The following OR2L2 variants were observed in gnomAD, a reference collection of about 807,000 sequenced individuals.
OR2L2 encodes olfactory receptor 2L2.
For missense variants in OR2L2, 378 were observed against 375.2 expected (o/e 1.01, Z -0.06); for synonymous variants, 156 against 135.4 (o/e 1.15, Z -1.06).
chr1:248,032,358 A>G (rs1422279129), intron 1 of OR2L2, among the ~76,000 whole-genome samples: 2 of 152,140 alleles, frequency 1.3e-5, no homozygotes. Context: ...TTAAATATAC[A>G]TAAGATAAAC....
In OR2L2 at chr1:248,038,603, G is replaced by C. The variant is rs2103096693; in HGVS notation, c.336G>C (p.Leu112=). Residue 112 remains leucine (L), a synonymous_variant, in exon 3 of 3, where the codon CTG becomes CTC. Transcript: ENST00000641771. ...FFLTLAVAEG[L]LLTSMAYDRY... is the part of the protein sequence containing the mutation. ...TGACTTTAGCAGTTGCAGAAGGGCT[G>C]CTCCTGACATCAATGGCCTATGATC... 1 of 1,614,148 alleles carries C rather than the reference G, an allele frequency of 6.2e-7. No individual in the cohort carries two copies. The highest frequency in any genetic ancestry group is 1.6e-4 in the Middle Eastern group (1 of 6,062).
In OR2L2 at chr1:248,039,328, G is replaced by T. The variant is rs563203849; in HGVS notation, c.*122G>T. 71 of 767,646 alleles carry T rather than the reference G, an allele frequency of 9.2e-5. No homozygotes were observed. In the African/African-American group the frequency reaches 1.3e-3, roughly 14 times the overall value. The allele number at this position is 767,646 out of a possible 1,614,324, so 47.6% of individuals were successfully genotyped here. ...ACAGAAGTTAATCTAGAAGAAATTTGTCTTTTAATTTAGTCTTGACAATAT... is the reference window on the plus strand; with the variant it reads ...ACAGAAGTTAATCTAGAAGAAATTTTTCTTTTAATTTAGTCTTGACAATAT... On this transcript the variant is annotated 3_prime_UTR_variant, in exon 3 of 3. Transcript: ENST00000641771.
chr1:248,037,429 T>C (rs1045281277), intron 2 of OR2L2, among the ~76,000 whole-genome samples: 5 of 152,210 alleles, frequency 3.3e-5, no homozygotes, highest in African/African-American at 1.2e-4. Flanking sequence ...CCCATGCGTA[T>C]GTTTTAAGCA....
intron 2 of OR2L2, 48 bp from the exon 3 acceptor site, chr1:248,038,199 G>T: frequency 8.7e-7 from 1 of 1,143,910 alleles, no homozygotes; most frequent in Non-Finnish European, 1.3e-6. Context: ...AGCCACTGTG[G>T]ATAAAAGTGA....
chr1:248,031,462 T>G (rs942059040), intron 1 of OR2L2, among the ~76,000 whole-genome samples: 1 of 152,228 alleles, frequency 6.6e-6, no homozygotes, highest in Non-Finnish European at 1.5e-5. Context: ...TCTGCCTTAA[T>G]GGGCAGTGCT....
At position 248,038,822 on chromosome 1, in the gene OR2L2, G is replaced by A. The variant is rs761259897; in HGVS notation, c.555G>A (p.Thr185=). 12 of 1,614,118 alleles carry A rather than the reference G, an allele frequency of 7.4e-6. No homozygotes were observed. Among genetic ancestry groups the A allele is most frequent in the East Asian group, 4.5e-5 (2 of 44,882 alleles). Residue 185 remains threonine (T), a synonymous_variant, in exon 3 of 3, where the codon ACG becomes ACA. Coordinates refer to ENST00000641771, the MANE Select transcript of OR2L2 (RefSeq NM_001385855.1). ...HFFCDVPAML[T]LACTDTWVYE... ...TCTGTGATGTTCCAGCTATGTTGAC[G>A]CTAGCCTGCACAGACACTTGGGTCT... is the stretch of plus-strand genomic sequence containing the variant.
chr1:248,033,784 A>G (rs912451059), intron 1 of OR2L2, among the ~76,000 whole-genome samples: 2 of 152,030 alleles, frequency 1.3e-5, no homozygotes, highest in Non-Finnish European at 2.9e-5. Flanking sequence ...CTTTATACCA[A>G]TGTCATACTG....
At chr1:248,037,654 G>A (rs1662800975) in intron 2 of OR2L2, among the ~76,000 whole-genome samples, 1 of 152,122 alleles carries the variant, frequency 6.6e-6, no homozygotes, top group African/African-American at 2.4e-5. Flanking sequence ...GTGTTGTAAA[G>A]TTCTATAAAT....
At position 248,038,426 on chromosome 1, in the gene OR2L2, T is replaced by C; in HGVS notation, c.159T>C (p.His53=). The C allele has an allele frequency of 6.2e-7, 1 of 1,613,864 alleles. No homozygotes were observed. Among genetic ancestry groups the C allele is most frequent in the Middle Eastern group, 1.7e-4 (1 of 6,056 alleles). Residue 53 remains histidine, a synonymous_variant, in exon 3 of 3, where the codon CAT becomes CAC. Coordinates refer to ENST00000641771, the MANE Select transcript of OR2L2 (RefSeq NM_001385855.1). ...TTCTTCTCATCTTTTTGGACATCCA[T>C]CTCCACACACCTATGTATTTCCTAC... ...SMILLIFLDI[H]LHTPMYFLLS...
Position 248,038,577 on chromosome 1 carries a change from T to A in OR2L2, c.310T>A (p.Leu104Met), listed in dbSNP as rs73141396. 1.2e-6 allele frequency: 2 copies of A among 1,614,174 alleles called. No homozygotes were observed. The highest frequency in any genetic ancestry group is 1.7e-5 in the Admixed American group (1 of 60,024). The change falls in exon 3 of 3, where the codon TTG becomes ATG. Residue 104 changes from leucine (L) to methionine (M), a missense_variant. Coordinates refer to ENST00000641771, the MANE Select transcript of OR2L2 (RefSeq NM_001385855.1). Reference sequence around the variant, plus strand: ...ATGTGGGATTCAGAGTTTCTTCTTCTTGACTTTAGCAGTTGCAGAAGGGCT... The same window carrying A: ...ATGTGGGATTCAGAGTTTCTTCTTCATGACTTTAGCAGTTGCAGAAGGGCT... ...TGCGIQSFFF[L>M]TLAVAEGLLL...
intron 1 of OR2L2, among the ~76,000 whole-genome samples, chr1:248,030,583 C>G (rs1248797645): frequency 6.6e-6 from 1 of 152,106 alleles, no homozygotes; most frequent in African/African-American, 2.4e-5. Flanking sequence ...TTCCTTGTAC[C>G]TACTTGGTTG....
Position 248,038,761 on chromosome 1 carries a change from T to A in OR2L2, c.494T>A (p.Ile165Asn), listed in dbSNP as rs1249859907. The change falls in exon 3 of 3, where the codon ATC becomes AAC. Residue 165 changes from isoleucine (I) to asparagine (N), a missense_variant. Transcript: ENST00000641771. Reference sequence around the variant, plus strand: ...GCTCACACAGTATATGCACTCTGTATCCCATATTGCAAGTCCAGAGCCATC... The same window carrying A: ...GCTCACACAGTATATGCACTCTGTAACCCATATTGCAAGTCCAGAGCCATC... ...SCAHTVYALC[I>N]PYCKSRAINH... is the part of the protein sequence containing the mutation. The A allele has an allele frequency of 6.2e-7, 1 of 1,614,146 alleles. No homozygotes were observed. The highest frequency in any genetic ancestry group is 8.5e-7 in the Non-Finnish European group (1 of 1,180,012).
At chr1:248,038,204 A>G in intron 2 of OR2L2, 43 bp from the exon 3 acceptor site, 1 of 1,199,642 alleles carries the variant, frequency 8.3e-7, no homozygotes. Context: ...CTGTGGATAA[A>G]AGTGAATTAC....
At position 248,039,144 on chromosome 1, in the gene OR2L2, A is replaced by C. The variant is rs1662868602; in HGVS notation, c.877A>C (p.Asn293His). The change falls in exon 3 of 3, where the codon AAC becomes CAC. Residue 293 changes from asparagine to histidine, a missense_variant. Transcript: ENST00000641771. ...MLNPIIYSLRNKEVMGALTQV... is the reference protein window; with the variant it reads ...MLNPIIYSLRHKEVMGALTQV... The stretch of plus-strand genomic sequence containing the variant: ...CAACCCCATCATCTACAGCCTGAGA[A>C]ACAAGGAGGTGATGGGGGCCCTGAC... 1 of 1,613,686 alleles carries C rather than the reference A, an allele frequency of 6.2e-7. No homozygotes were observed. The highest frequency in any genetic ancestry group is 1.3e-5 in the African/African-American group (1 of 74,904).
intron 1 of OR2L2, among the ~76,000 whole-genome samples, chr1:248,031,935 G>T (rs959945099): frequency 3.3e-5 from 5 of 151,940 alleles, no homozygotes; most frequent in Admixed American, 1.3e-4. Flanking sequence ...TTAAAAGTAG[G>T]ATAATAACTC....
In OR2L2 at chr1:248,039,670, CA is replaced by C. The variant is rs1403923440; in HGVS notation, c.*466del. On this transcript the variant is annotated 3_prime_UTR_variant, in exon 3 of 3. Transcript: ENST00000641771. ...TTTCATTAACATGTAGAAATCAAAA[CA>C]ATAAAGGTCCAAACTAATCATATCA... is the stretch of plus-strand genomic sequence containing the variant. 1 of 153,062 alleles carries C rather than the reference CA, an allele frequency of 6.5e-6. No individual in the cohort carries two copies. The highest frequency in any genetic ancestry group is 1.5e-5 in the Non-Finnish European group (1 of 68,878). 9.5% of individuals were successfully genotyped at this position (153,062 alleles called of 1,614,324 possible). A position where few individuals can be genotyped will look rare whatever the true frequency, so the allele number is the denominator to read the frequency against.
intron 2 of OR2L2, among the ~76,000 whole-genome samples, chr1:248,036,234 T>G (rs1453996925): frequency 2.0e-5 from 3 of 152,146 alleles, no homozygotes; most frequent in Non-Finnish European, 4.4e-5. Flanking sequence ...TTGTCTCTTC[T>G]AATCTTTTCA....
intron 1 of OR2L2, among the ~76,000 whole-genome samples, chr1:248,031,534 G>A (rs1662621298): frequency 6.6e-6 from 1 of 152,190 alleles, no homozygotes; most frequent in Admixed American, 6.5e-5. Flanking sequence ...GACATGCAGG[G>A]GGTGAGGAGA....
Position 248,039,355 on chromosome 1 carries a change from ATAATACATAT to A in OR2L2, c.*161_*170del, listed in dbSNP as rs1467754214. On this transcript the variant is annotated 3_prime_UTR_variant, in exon 3 of 3. Coordinates refer to ENST00000641771, the MANE Select transcript of OR2L2 (RefSeq NM_001385855.1). ...CTTTTAATTTAGTCTTGACAATATT[ATAATACATAT>A]TAATACATATTCTAAGACATCTATT... 1.8e-6 allele frequency: 1 copy of A among 558,316 alleles called. No individual in the cohort carries two copies. 34.6% of individuals were successfully genotyped at this position (558,316 alleles called of 1,614,324 possible). A position where few individuals can be genotyped will look rare whatever the true frequency, so the allele number is the denominator to read the frequency against.
Sources: allele counts gnomAD v4.1 joint callset (sites outside exome capture counted in the v4.1 genomes callset), GRCh38; gene constraint gnomAD v4.1.1; transcripts MANE v1.5; gene names NCBI Gene and HGNC (gene_info 2026-07-23, HGNC 2026-07-21).